Variants in PTPRG observed in about 807,000 individuals in gnomAD.
The protein encoded by PTPRG is receptor-type tyrosine-protein phosphatase gamma.
In PTPRG, 102 loss-of-function variants were observed where a neutral mutation model predicts 165.3. That is an observed-to-expected ratio of 0.62 (90% CI 0.53 to 0.73). PTPRG has a LOEUF of 0.73. Among genes scored for constraint, PTPRG ranks in the 30% least tolerant of loss-of-function variants. The pLI, the probability that PTPRG is intolerant of heterozygous loss-of-function variation, is 0.00. For synonymous variants in PTPRG, 675 were observed against 669.5 expected, an observed-to-expected ratio of 1.01 and a Z score of -0.13; for missense variants, 1,866 against 1,861.4, an observed-to-expected ratio of 1.00 and a Z score of -0.05.
intron 2 of PTPRG, among the ~76,000 whole-genome samples, chr3:61,842,684 C>CAAAAAAAAAAAAAAA (rs199500194): frequency 4.9e-5 from 6 of 121,624 alleles, no homozygotes; most frequent in East Asian, 4.9e-4. Flanking sequence ...GTATGTGTGG[C>CAAAAAAAAAAAAAAA]AAAAAAAAAA....
intron 6 of PTPRG, among the ~76,000 whole-genome samples, chr3:62,152,854 C>A (rs1275971627): frequency 6.6e-6 from 1 of 152,210 alleles, no homozygotes; most frequent in Non-Finnish European, 1.5e-5. Flanking sequence ...CCACCCCCAA[C>A]ACTTGTGTTA....
intron 4 of PTPRG, among the ~76,000 whole-genome samples, chr3:62,065,328 A>G (rs1700975957): frequency 6.6e-6 from 1 of 152,162 alleles, no homozygotes; most frequent in African/African-American, 2.4e-5. Flanking sequence ...AGGGAAGTCC[A>G]TGGTTGTGTA....
chr3:62,076,122 T>C (rs1024976807), intron 4 of PTPRG, among the ~76,000 whole-genome samples: 1 of 151,932 alleles, frequency 6.6e-6, no homozygotes, highest in African/African-American at 2.4e-5. Context: ...AAAATGTATA[T>C]ATATATGTAT....
At chr3:61,763,200 C>T (rs1016327660) in intron 2 of PTPRG, among the ~76,000 whole-genome samples, 4 of 151,882 alleles carry the variant, frequency 2.6e-5, no homozygotes, top group African/African-American at 7.3e-5. Flanking sequence ...AAATATAGCC[C>T]GTGTGGCTGC....
At position 61,985,297 on chromosome 3, in the gene PTPRG, G is replaced by A. The variant is rs958696133; in HGVS notation, c.191-4328G>A. Among the ~76,000 whole-genome samples, 15 of 152,114 alleles carry A rather than the reference G, an allele frequency of 9.9e-5. 1 individual carries two copies. The highest frequency in any genetic ancestry group is 7.9e-4 in the Admixed American group (12 of 15,278). ...ATAAGTTCCCTCCTGGGGAGGTGGGGCCCCTCCTCTCCCTTTGCATGCCAT... is the reference window on the plus strand; with the variant it reads ...ATAAGTTCCCTCCTGGGGAGGTGGGACCCCTCCTCTCCCTTTGCATGCCAT... On this transcript the variant is annotated intron_variant, in intron 2 of 29. Transcript: ENST00000474889.
In PTPRG at chr3:62,297,479, G is replaced by A. The variant is rs1215127633; in HGVS notation, c.*4172G>A. On this transcript the variant is annotated 3_prime_UTR_variant, in exon 30 of 30. Coordinates refer to ENST00000474889, the MANE Select transcript of PTPRG (RefSeq NM_002841.4). ...TTTTTTTTTTTTAAATTTGTTCAGG[G>A]GGAGGGGTTTTGTAACCTGAAATTT... 6.6e-6 allele frequency: 1 copy of A among 151,084 alleles called. No individual in the cohort carries two copies. The highest frequency in any genetic ancestry group is 6.6e-5 in the Admixed American group (1 of 15,178). 9.4% of individuals were successfully genotyped at this position (151,084 alleles called of 1,614,324 possible).
intron 13 of PTPRG, among the ~76,000 whole-genome samples, chr3:62,223,635 G>T (rs962253358): frequency 6.6e-6 from 1 of 152,156 alleles, no homozygotes; most frequent in Non-Finnish European, 1.5e-5. Context: ...ACAAGTTCAC[G>T]TGAGGATTCG....
intron 4 of PTPRG, among the ~76,000 whole-genome samples, chr3:62,009,302 C>G (rs1350394703): frequency 6.6e-6 from 1 of 152,160 alleles, no homozygotes; most frequent in African/African-American, 2.4e-5. Context: ...CAGTACTTCT[C>G]TCTTCCTCCT....
intron 2 of PTPRG, among the ~76,000 whole-genome samples, chr3:61,836,829 C>T (rs2036479308): frequency 6.7e-6 from 1 of 150,302 alleles, no homozygotes; most frequent in East Asian, 2.0e-4. Context: ...ACTGCAACCT[C>T]TGCCTCCCGG....
chr3:62,043,761 G>GT (rs1575929463), intron 4 of PTPRG, among the ~76,000 whole-genome samples: 1 of 152,300 alleles, frequency 6.6e-6, no homozygotes, highest in East Asian at 1.9e-4. Context: ...AGACTCTTGA[G>GT]TTCCTAAACA....
At chr3:61,818,357 G>C (rs2035850242) in intron 2 of PTPRG, among the ~76,000 whole-genome samples, 1 of 151,990 alleles carries the variant, frequency 6.6e-6, no homozygotes, top group Non-Finnish European at 1.5e-5. Flanking sequence ...AGAGAAAGAT[G>C]GCAGGATTTG....
chr3:62,271,797 T>TTAA lies in PTPRG; in HGVS notation c.3182+248_3182+250dup, dbSNP rs1430502055. Among the ~76,000 whole-genome samples the TTAA allele has an allele frequency of 6.6e-6, 1 of 152,108 alleles. No individual in the cohort carries two copies. Among genetic ancestry groups the TTAA allele is most frequent in the Non-Finnish European group, 1.5e-5 (1 of 68,008 alleles). ...CCCTAGTTTTTATAAAATCTTCTTA[T>TTAA]TAATAATATCAGCCAGGCATGGAGG... On this transcript the variant is annotated intron_variant, in intron 21 of 29. Transcript: ENST00000474889. The surrounding 1 kb of genome is among the most constrained non-coding windows in gnomAD (Gnocchi z 4.1).
intron 16 of PTPRG, among the ~76,000 whole-genome samples, chr3:62,260,039 C>A (rs1701646883): frequency 6.6e-6 from 1 of 152,116 alleles, no homozygotes; most frequent in African/African-American, 2.4e-5. Flanking sequence ...GCAATTTATA[C>A]CCTGAGCAGG....
Position 61,923,000 on chromosome 3 carries a change from G to A in PTPRG, c.191-66625G>A, listed in dbSNP as rs148766943. Among the ~76,000 whole-genome samples, 128 of 152,106 alleles carry A rather than the reference G, an allele frequency of 8.4e-4. 1 individual carries two copies. Among genetic ancestry groups the A allele is most frequent in the East Asian group, 7.0e-3 (36 of 5,174 alleles). On this transcript the variant is annotated intron_variant, in intron 2 of 29. Coordinates refer to ENST00000474889, the MANE Select transcript of PTPRG (RefSeq NM_002841.4). ...GCTCTATTCCCTTATGCCCCACTAC[G>A]CCTTGAATTTTCTTCATAAAGATTA...
At chr3:62,193,657 A>C (rs760536238) in intron 9 of PTPRG, among the ~76,000 whole-genome samples, 14 of 152,188 alleles carry the variant, frequency 9.2e-5, no homozygotes, top group Non-Finnish European at 1.9e-4. Flanking sequence ...TCCAAACGAG[A>C]TCAGTGAGGC....
At chr3:62,184,807 G>C (rs144228495) in intron 8 of PTPRG, among the ~76,000 whole-genome samples, 1 of 152,198 alleles carries the variant, frequency 6.6e-6, no homozygotes, top group Non-Finnish European at 1.5e-5. Context: ...AATCTGCACC[G>C]AATTGGTTTG....
intron 2 of PTPRG, among the ~76,000 whole-genome samples, chr3:61,987,430 A>G (rs2040788075): frequency 6.6e-6 from 1 of 152,200 alleles, no homozygotes; most frequent in African/African-American, 2.4e-5. Context: ...TATGAATGGC[A>G]AGTACTTTTC....
At chr3:61,697,066 A>G (rs1435511376) in intron 1 of PTPRG, among the ~76,000 whole-genome samples, 2 of 152,198 alleles carry the variant, frequency 1.3e-5, no homozygotes, top group Non-Finnish European at 2.9e-5. Context: ...AGAAGCAGAA[A>G]GGTCACTTTT....
intron 1 of PTPRG, among the ~76,000 whole-genome samples, chr3:61,724,060 T>C (rs2106803011): frequency 6.6e-6 from 1 of 152,074 alleles, no homozygotes; most frequent in African/African-American, 2.4e-5. Flanking sequence ...GGTGAAACCT[T>C]GTCTCTACTA....
Sources: allele counts gnomAD v4.1 joint callset (sites outside exome capture counted in the v4.1 genomes callset), GRCh38; gene constraint gnomAD v4.1.1; non-coding constraint Gnocchi (gnomAD v3.1); transcripts MANE v1.5; gene names NCBI Gene and HGNC (gene_info 2026-07-23, HGNC 2026-07-21).